Variants in NRG3 observed in about 807,000 individuals in gnomAD.
NRG3 encodes pro-neuregulin-3, membrane-bound isoform.
Under a neutral mutation model 66.9 loss-of-function variants are expected in NRG3, and 31 were observed. The ratio of observed to expected loss-of-function variants is 0.46; its 90% confidence interval spans 0.35 to 0.63. The LOEUF is 0.63. Ranked by LOEUF, NRG3 falls within the 20% of genes least tolerant of loss-of-function variation. NRG3 has a pLI of 0.00. For synonymous variants in NRG3, 393 were observed against 359.4 expected (o/e 1.09, Z -1.06); for missense variants, 910 against 878.9 (o/e 1.04, Z -0.45).
At chr10:82,837,792 G>C (rs2062852301) in intron 3 of NRG3, among the ~76,000 whole-genome samples, 1 of 152,104 alleles carries the variant, frequency 6.6e-6, no homozygotes, top group South Asian at 2.1e-4. Context: ...TTAAAATGCT[G>C]CTGAAAAAAT....
chr10:82,092,182 A>T (rs1284057193), intron 1 of NRG3, among the ~76,000 whole-genome samples: 1 of 152,174 alleles, frequency 6.6e-6, no homozygotes, highest in Non-Finnish European at 1.5e-5. Context: ...TCACTTAAAG[A>T]CATGGCATCT....
chr10:82,213,569 G>T (rs1764077), intron 1 of NRG3, among the ~76,000 whole-genome samples: 131,380 of 152,118 alleles, frequency 0.86, 57,038 homozygotes, highest in African/African-American at 0.95. Context: ...AAGCATGTTA[G>T]ATAAATGATA....
chr10:82,380,371 G>A (rs563620360), intron 2 of NRG3, among the ~76,000 whole-genome samples: 6 of 152,210 alleles, frequency 3.9e-5, no homozygotes, highest in Non-Finnish European at 8.8e-5. Flanking sequence ...CAGTTAACCA[G>A]TATGTATAGA....
At chr10:82,338,456 A>G (rs1409172964) in intron 1 of NRG3, among the ~76,000 whole-genome samples, 1 of 151,724 alleles carries the variant, frequency 6.6e-6, no homozygotes, top group Non-Finnish European at 1.5e-5. Flanking sequence ...GATTGGGTAC[A>G]TGACAGTCAC....
intron 1 of NRG3, among the ~76,000 whole-genome samples, chr10:82,166,981 T>C (rs1477209104): frequency 6.6e-6 from 1 of 152,130 alleles, no homozygotes; most frequent in Non-Finnish European, 1.5e-5. Context: ...TTCTTATCTT[T>C]GTTCCTATGT....
chr10:82,014,446 C>T (rs2061703462), intron 1 of NRG3, among the ~76,000 whole-genome samples: 1 of 152,108 alleles, frequency 6.6e-6, no homozygotes, highest in South Asian at 2.1e-4. Context: ...GTTGTAAGTG[C>T]CTCGGCAATA....
intron 2 of NRG3, among the ~76,000 whole-genome samples, chr10:82,617,518 G>T (rs565385781): frequency 6.6e-6 from 1 of 152,306 alleles, no homozygotes; most frequent in East Asian, 1.9e-4. Context: ...TGACATAAAT[G>T]TCTGTTGGGG....
At chr10:82,726,365 A>G (rs1235097781) in intron 2 of NRG3, among the ~76,000 whole-genome samples, 1 of 152,166 alleles carries the variant, frequency 6.6e-6, no homozygotes, top group African/African-American at 2.4e-5. Flanking sequence ...TATAACTTCC[A>G]TAATTCCCAT....
Position 82,543,479 on chromosome 10 carries a change from A to G in NRG3, c.953+184611A>G, listed in dbSNP as rs570350375. Among the ~76,000 whole-genome samples the G allele has an allele frequency of 5.3e-5, 8 of 152,288 alleles. No individual in the cohort carries two copies. The East Asian group carries it at 1.5e-3, about 29-fold the overall frequency. ...TGTCCATCTGTCCATGTATCTATCC[A>G]CCAATGTCTTTATCCATCTCCTATT... On this transcript the variant is annotated intron_variant, in intron 2 of 8. Coordinates refer to ENST00000372141, the MANE Select transcript of NRG3 (RefSeq NM_001010848.4).
At chr10:82,260,570 C>T (rs2077974210) in intron 1 of NRG3, among the ~76,000 whole-genome samples, 3 of 152,132 alleles carry the variant, frequency 2.0e-5, no homozygotes, top group Non-Finnish European at 1.5e-5. Flanking sequence ...ATGGCATTTG[C>T]AGTGGGAATA....
At position 82,129,641 on chromosome 10, in the gene NRG3, A is replaced by G. The variant is rs181881996; in HGVS notation, c.824-229098A>G. 4.9e-3 allele frequency among the ~76,000 whole-genome samples: 746 copies of G among 152,096 alleles called. 5 individuals are homozygous for G. The highest frequency in any genetic ancestry group is 8.3e-3 in the Non-Finnish European group (563 of 67,970). On this transcript the variant is annotated intron_variant, in intron 1 of 8. Transcript: ENST00000372141. The stretch of plus-strand genomic sequence containing the variant: ...GCCCAGGCTGGAGTGTAGTGCAGTC[A>G]TGGCTCACTGCAACCTCCACCTTCC...
At chr10:82,910,743 G>T (rs1363466912) in intron 4 of NRG3, among the ~76,000 whole-genome samples, 4 of 152,212 alleles carry the variant, frequency 2.6e-5, no homozygotes, top group Admixed American at 6.5e-5. Flanking sequence ...TGTGACCAGG[G>T]TATCCTTAGA....
chr10:82,023,289 A>G (rs566279636), intron 1 of NRG3, among the ~76,000 whole-genome samples: 1 of 152,102 alleles, frequency 6.6e-6, no homozygotes, highest in African/African-American at 2.4e-5. Flanking sequence ...TCTAAATATA[A>G]TATCATGTGT....
chr10:82,405,965 C>T (rs2087488461), intron 2 of NRG3, among the ~76,000 whole-genome samples: 1 of 151,914 alleles, frequency 6.6e-6, no homozygotes, highest in Admixed American at 6.6e-5. Flanking sequence ...ACATTAAAAA[C>T]AATTTGCATT....
intron 1 of NRG3, among the ~76,000 whole-genome samples, chr10:82,215,061 C>G (rs981859658): frequency 6.6e-6 from 1 of 152,152 alleles, no homozygotes; most frequent in African/African-American, 2.4e-5. Flanking sequence ...AGAACATGTA[C>G]ATCTCTGACA....
At chr10:82,880,364 G>A (rs574409) in intron 4 of NRG3, among the ~76,000 whole-genome samples, 94,784 of 151,912 alleles carry the variant, frequency 0.62, 31,153 homozygotes, top group African/African-American at 0.84. Flanking sequence ...ATTCGTGGAA[G>A]AGAAAGACAT....
intron 5 of NRG3, among the ~76,000 whole-genome samples, chr10:82,955,769 C>T (rs1016480092): frequency 1.3e-5 from 2 of 151,922 alleles, no homozygotes; most frequent in Non-Finnish European, 1.5e-5. Context: ...TGCACTGCTG[C>T]GTCTTCTTCA....
chr10:82,122,054 A>G (rs983807555), intron 1 of NRG3, among the ~76,000 whole-genome samples: 2 of 152,120 alleles, frequency 1.3e-5, no homozygotes, highest in South Asian at 2.1e-4. Flanking sequence ...TCAAGGTCAT[A>G]CTGTGGTTCA....
At chr10:81,920,126 A>G (rs185674708) in intron 1 of NRG3, among the ~76,000 whole-genome samples, 3 of 152,140 alleles carry the variant, frequency 2.0e-5, no homozygotes, top group Admixed American at 2.0e-4. Flanking sequence ...TGTAAGGATG[A>G]CACTATGAGA....
Sources: allele counts gnomAD v4.1 joint callset (sites outside exome capture counted in the v4.1 genomes callset), GRCh38; gene constraint gnomAD v4.1.1; transcripts MANE v1.5; gene names NCBI Gene and HGNC (gene_info 2026-07-23, HGNC 2026-07-21).